The following RYR2 variants were observed in gnomAD, a reference collection of about 807,000 sequenced individuals.
RYR2 encodes the protein cardiac muscle ryanodine receptor-calcium release channel.
Under a neutral mutation model 601.1 loss-of-function variants are expected in RYR2, and 227 were observed. That is an observed-to-expected ratio of 0.38 (90% CI 0.34 to 0.42). The LOEUF (loss-of-function observed/expected upper bound fraction) is 0.42. RYR2 is among the 10% of genes least tolerant of loss of function. RYR2 has a pLI of 1.00. For synonymous variants in RYR2, 2,223 were observed against 2,175.1 expected, an observed-to-expected ratio of 1.02 and a Z score of -0.61; for missense variants, 4,646 against 6,156.5, an observed-to-expected ratio of 0.75 and a Z score of 8.21.
chr1:237,435,482 A>G (rs1447918202), intron 12 of RYR2, among the ~76,000 whole-genome samples: 1 of 152,206 alleles, frequency 6.6e-6, no homozygotes, highest in Non-Finnish European at 1.5e-5. Context: ...TTTTGCATTT[A>G]CTTGGGATTA....
At chr1:237,087,751 C>T (rs1666511594) in intron 1 of RYR2, among the ~76,000 whole-genome samples, 1 of 152,126 alleles carries the variant, frequency 6.6e-6, no homozygotes, top group South Asian at 2.1e-4. Flanking sequence ...GTTTCTCCTC[C>T]TACATTCCCC....
chr1:237,580,210 C>T (rs1305977430), intron 29 of RYR2, among the ~76,000 whole-genome samples: 1 of 137,488 alleles, frequency 7.3e-6, no homozygotes, highest in Non-Finnish European at 1.5e-5. Context: ...GGCTTGAGTG[C>T]AATGGTGTGA....
At chr1:237,249,017 G>C (rs534049632) in intron 1 of RYR2, among the ~76,000 whole-genome samples, 1 of 151,928 alleles carries the variant, frequency 6.6e-6, no homozygotes, top group Non-Finnish European at 1.5e-5. Flanking sequence ...CACCTGCCTC[G>C]GCCTCCCAAA....
At chr1:237,216,752 CA>C (rs11316763) in intron 1 of RYR2, among the ~76,000 whole-genome samples, 6,251 of 110,792 alleles carry the variant, frequency 0.056, 252 homozygotes, top group African/African-American at 0.13. Flanking sequence ...CACCCCCCAC[CA>C]AAAAAAAAAA....
intron 62 of RYR2, among the ~76,000 whole-genome samples, chr1:237,681,636 C>T (rs1300063229): frequency 2.0e-5 from 3 of 152,180 alleles, no homozygotes; most frequent in Non-Finnish European, 2.9e-5. Flanking sequence ...CAGCGGCGTG[C>T]TTTGTTTCCA....
intron 1 of RYR2, among the ~76,000 whole-genome samples, chr1:237,202,153 A>G (rs1681265784): frequency 6.6e-6 from 1 of 152,236 alleles, no homozygotes. Flanking sequence ...CCATTAAAAT[A>G]TGATATTTAC....
chr1:237,796,854 A>T (rs1659300908), intron 96 of RYR2, among the ~76,000 whole-genome samples: 1 of 151,862 alleles, frequency 6.6e-6, no homozygotes, highest in East Asian at 1.9e-4. Context: ...GCATGATTTC[A>T]GCTCACTGCA....
intron 3 of RYR2, among the ~76,000 whole-genome samples, chr1:237,334,503 G>T (rs1697066874): frequency 6.6e-6 from 1 of 151,032 alleles, no homozygotes; most frequent in African/African-American, 2.4e-5. Flanking sequence ...TAATTACATT[G>T]ACTATCATTT....
At chr1:237,330,468 A>G (rs1427182815) in intron 2 of RYR2, among the ~76,000 whole-genome samples, 1 of 152,180 alleles carries the variant, frequency 6.6e-6, no homozygotes, top group Admixed American at 6.5e-5. Context: ...GCTAACTGCA[A>G]CCTCTGCCTC....
At chr1:237,593,422 GT>G in intron 32 of RYR2, 53 bp from the exon 33 acceptor site, 1 of 1,531,126 alleles carries the variant, frequency 6.5e-7, no homozygotes, top group Non-Finnish European at 8.8e-7. Context: ...GCAAATCCAA[GT>G]TTTGTTTTGT....
Position 237,180,176 on chromosome 1 carries a change from T to C in RYR2, c.49-90321T>C. Reference sequence around the variant, plus strand: ...CCTGGGACAATGGCCTGATGGGAAATGCTGCATTTGGTCCCCAGGTCAGGA... The same window carrying C: ...CCTGGGACAATGGCCTGATGGGAAACGCTGCATTTGGTCCCCAGGTCAGGA... On this transcript the variant is annotated intron_variant, in intron 1 of 104. Transcript: ENST00000366574. The surrounding 1 kb of genome is among the most constrained non-coding windows in gnomAD (Gnocchi z 5.3). 6.6e-6 allele frequency among the ~76,000 whole-genome samples: 1 copy of C among 150,996 alleles called. No homozygotes were observed. The highest frequency in any genetic ancestry group is 1.9e-4 in the East Asian group (1 of 5,182).
rs201081663 is a variant in RYR2 at position 237,708,879 on chromosome 1, A to G, written c.9923A>G (p.Asn3308Ser). 320 of 1,611,078 alleles carry G rather than the reference A, an allele frequency of 2.0e-4. 1 individual carries two copies. Among genetic ancestry groups the G allele is most frequent in the Admixed American group, 2.5e-4 (15 of 59,758 alleles). ...ACAGTGTTTTCCCAGCCTATAATAA[A>G]TAAAGTGAAACCTCAGCTCTTGAAA... ...RLAVFSQPII[N>S]KVKPQLLKTH... Residue 3308 changes from asparagine to serine, a missense_variant, in exon 69 of 105, where the codon AAT (asparagine) becomes AGT (serine). Physicochemically the swap from Asn to Ser is conservative, Grantham distance 46. Transcript: ENST00000366574.
intron 80 of RYR2, among the ~76,000 whole-genome samples, chr1:237,755,378 C>G (rs1324342748): frequency 6.6e-6 from 1 of 152,118 alleles, no homozygotes; most frequent in Non-Finnish European, 1.5e-5. Context: ...TATGTTTTGG[C>G]CGTTGTGTTT....
At chr1:237,158,539 C>T (rs551385069) in intron 1 of RYR2, among the ~76,000 whole-genome samples, 1 of 152,098 alleles carries the variant, frequency 6.6e-6, no homozygotes, top group Non-Finnish European at 1.5e-5. Context: ...ACAATTTTCC[C>T]TTATTTTCCT....
At chr1:237,308,728 C>T (rs1055941271) in intron 2 of RYR2, among the ~76,000 whole-genome samples, 6 of 152,170 alleles carry the variant, frequency 3.9e-5, no homozygotes, top group South Asian at 2.1e-4. Flanking sequence ...GAGTGAGCAG[C>T]AGCAAGATTT....
intron 1 of RYR2, among the ~76,000 whole-genome samples, chr1:237,071,659 C>T (rs1268496091): frequency 6.6e-6 from 1 of 152,206 alleles, no homozygotes; most frequent in Non-Finnish European, 1.5e-5. Flanking sequence ...GGCCCCCTGG[C>T]CCCCAGGCTT....
intron 98 of RYR2, chr1:237,802,182 G>A (rs1449142291): frequency 7.2e-6 from 2 of 277,790 alleles, no homozygotes; most frequent in Non-Finnish European, 1.3e-5. Context: ...GGTTTTAATT[G>A]GACAATGGCA....
intron 1 of RYR2, among the ~76,000 whole-genome samples, chr1:237,073,571 T>G (rs1017852276): frequency 6.6e-6 from 1 of 151,916 alleles, no homozygotes; most frequent in Admixed American, 6.6e-5. Context: ...ATATAAAATA[T>G]CTCATTAATA....
At chr1:237,389,661 G>A (rs557802254) in intron 10 of RYR2, among the ~76,000 whole-genome samples, 35 of 152,268 alleles carry the variant, frequency 2.3e-4, no homozygotes, top group African/African-American at 7.9e-4. Context: ...CTAATCCAGC[G>A]CCATCTTTTT....
Sources: gnomAD v4.1 joint callset for allele counts (sites outside exome capture counted in the v4.1 genomes callset) on GRCh38, gnomAD v4.1.1 for gene constraint, Gnocchi (gnomAD v3.1) non-coding constraint, MANE v1.5 for transcripts, NCBI Gene and HGNC (gene_info 2026-07-23, HGNC 2026-07-21) for gene names.